Variants in PDCD1LG2 observed in about 807,000 individuals in gnomAD.
PDCD1LG2 encodes the protein B7 dendritic cell molecule.
PDCD1LG2 carries 32 observed loss-of-function variants against 28.2 expected under a neutral mutation model. The ratio of observed to expected loss-of-function variants is 1.13; its 90% confidence interval spans 0.86 to 1.52. The LOEUF is 1.52. PDCD1LG2 is among the 40% of genes most tolerant of loss of function. The probability of loss-of-function intolerance (pLI) is 0.00; values close to 1 mark genes in which losing one functional copy is unlikely to be tolerated. For synonymous variants in PDCD1LG2, 116 were observed against 120.2 expected (o/e 0.97, Z 0.23); for missense variants, 385 against 323.8 (o/e 1.19, Z -1.45).
chr9:5,524,371 T>A (rs1820331451), intron 2 of PDCD1LG2, among the ~76,000 whole-genome samples: 1 of 152,266 alleles, frequency 6.6e-6, no homozygotes, highest in Non-Finnish European at 1.5e-5. Flanking sequence ...ATGTTTATTC[T>A]GGATATTCAC....
At chr9:5,531,294 G>C (rs953988036) in intron 2 of PDCD1LG2, among the ~76,000 whole-genome samples, 6 of 152,142 alleles carry the variant, frequency 3.9e-5, no homozygotes, top group African/African-American at 1.4e-4. Context: ...AAGCAAGAAT[G>C]TTTCAGGATT....
chr9:5,570,095 C>A lies in PDCD1LG2; in HGVS notation c.*136C>A. On this transcript the variant is annotated 3_prime_UTR_variant, in exon 7 of 7. Transcript: ENST00000397747. ...CCTTTGGATGACCCAGCACTTTAATCTGAAACCTGCAACAAGACTAGCCAA... is the reference window on the plus strand; with the variant it reads ...CCTTTGGATGACCCAGCACTTTAATATGAAACCTGCAACAAGACTAGCCAA... 4 of 1,092,030 alleles carry A rather than the reference C, an allele frequency of 3.7e-6. No individual in the cohort carries two copies. The highest frequency in any genetic ancestry group is 3.8e-5 in the Admixed American group (2 of 52,260). The allele number at this position is 1,092,030 out of a possible 1,614,324, so 67.6% of individuals were successfully genotyped here. A position where few individuals can be genotyped will look rare whatever the true frequency, so the allele number is the denominator to read the frequency against.
At chr9:5,563,936 A>G (rs1414144269) in intron 6 of PDCD1LG2, among the ~76,000 whole-genome samples, 1 of 152,224 alleles carries the variant, frequency 6.6e-6, no homozygotes, top group Non-Finnish European at 1.5e-5. Context: ...ACTTCAAGTT[A>G]ACTGATAGCA....
intron 4 of PDCD1LG2, 57 bp from the exon 5 acceptor site, chr9:5,557,561 G>C (rs142364293): frequency 6.3e-7 from 1 of 1,597,506 alleles, no homozygotes; most frequent in Non-Finnish European, 8.6e-7. Context: ...TGGCCAGCCT[G>C]TTGGTCTACC....
At chr9:5,522,695 G>GCCA in intron 2 of PDCD1LG2, 94 bp downstream of exon 2, 1 of 1,124,984 alleles carries the variant, frequency 8.9e-7, no homozygotes, top group Non-Finnish European at 1.3e-6. Flanking sequence ...CAGGCTGAGG[G>GCCA]CTTTCTTTGA....
intron 1 of PDCD1LG2, among the ~76,000 whole-genome samples, chr9:5,515,408 C>T (rs979264694): frequency 5.3e-5 from 8 of 152,188 alleles, no homozygotes; most frequent in South Asian, 4.1e-4. Context: ...GTCCACCATT[C>T]GGCAGGTCCT....
At chr9:5,525,928 T>C (rs1244478096) in intron 2 of PDCD1LG2, among the ~76,000 whole-genome samples, 1 of 151,590 alleles carries the variant, frequency 6.6e-6, no homozygotes, top group Non-Finnish European at 1.5e-5. Context: ...AAGCCTGTAA[T>C]CCCAGCTACT....
At chr9:5,535,127 A>G in intron 3 of PDCD1LG2, 77 bp downstream of exon 3, 1 of 1,331,306 alleles carries the variant, frequency 7.5e-7, no homozygotes, top group Non-Finnish European at 1.0e-6. Context: ...AACCCATTAA[A>G]GGTAGCTCAA....
intron 5 of PDCD1LG2, among the ~76,000 whole-genome samples, chr9:5,559,908 T>G (rs945675827): frequency 5.9e-5 from 9 of 152,168 alleles, no homozygotes; most frequent in African/African-American, 2.2e-4. Context: ...GATTTTCTAG[T>G]CCTCAGAGGC....
At chr9:5,556,238 G>A (rs1816439442) in intron 4 of PDCD1LG2, among the ~76,000 whole-genome samples, 2 of 152,162 alleles carry the variant, frequency 1.3e-5, no homozygotes, top group Non-Finnish European at 2.9e-5. Flanking sequence ...ACTGAGGTAG[G>A]GACCTCTCCT....
intron 3 of PDCD1LG2, among the ~76,000 whole-genome samples, chr9:5,546,393 A>G (rs1816206453): frequency 6.6e-6 from 1 of 152,224 alleles, no homozygotes; most frequent in Non-Finnish European, 1.5e-5. Flanking sequence ...AAATGATTAC[A>G]AAAGACATTG....
chr9:5,568,890 G>A (rs1435178623), intron 6 of PDCD1LG2, among the ~76,000 whole-genome samples: 1 of 152,150 alleles, frequency 6.6e-6, no homozygotes, highest in African/African-American at 2.4e-5. Context: ...TCAGAGATGG[G>A]GACAAATATC....
intron 3 of PDCD1LG2, among the ~76,000 whole-genome samples, chr9:5,539,964 C>G (rs1820657623): frequency 6.6e-6 from 1 of 152,194 alleles, no homozygotes. Context: ...GCATATGGAA[C>G]ATTCTCCAAG....
At chr9:5,510,933 A>C (rs561895842) in intron 1 of PDCD1LG2, 130 bp downstream of exon 1, 1 of 152,724 alleles carries the variant, frequency 6.5e-6, no homozygotes, top group East Asian at 1.9e-4. Context: ...CTGCCTCAGA[A>C]ATTGTGCTGA....
intron 3 of PDCD1LG2, among the ~76,000 whole-genome samples, chr9:5,548,194 A>G (rs888339291): frequency 8.6e-5 from 13 of 151,962 alleles, no homozygotes; most frequent in African/African-American, 2.9e-4. Context: ...CCACCTTTCT[A>G]CTCTGTTTCT....
intron 3 of PDCD1LG2, among the ~76,000 whole-genome samples, chr9:5,547,751 ACAT>A (rs1481222105): frequency 6.6e-6 from 1 of 152,072 alleles, no homozygotes; most frequent in Non-Finnish European, 1.5e-5. Context: ...AGGCTGACCA[ACAT>A]GGTGAAACCC....
At chr9:5,525,328 G>T (rs1193805238) in intron 2 of PDCD1LG2, among the ~76,000 whole-genome samples, 1 of 144,576 alleles carries the variant, frequency 6.9e-6, no homozygotes, top group Non-Finnish European at 1.5e-5. Flanking sequence ...CTGGGTGACA[G>T]AGTGAGATTC....
At chr9:5,529,288 T>C (rs1820437685) in intron 2 of PDCD1LG2, among the ~76,000 whole-genome samples, 1 of 152,230 alleles carries the variant, frequency 6.6e-6, no homozygotes, top group Non-Finnish European at 1.5e-5. Context: ...AGTTGTATAT[T>C]CTATATGTAA....
chr9:5,529,672 C>T (rs959374347), intron 2 of PDCD1LG2, among the ~76,000 whole-genome samples: 2 of 152,044 alleles, frequency 1.3e-5, no homozygotes, highest in African/African-American at 2.4e-5. Flanking sequence ...CTTCTCTCTT[C>T]GTACTCCAGA....
Sources: gnomAD v4.1 joint callset for allele counts (sites outside exome capture counted in the v4.1 genomes callset) on GRCh38, gnomAD v4.1.1 for gene constraint, MANE v1.5 for transcripts, NCBI Gene and HGNC (gene_info 2026-07-23, HGNC 2026-07-21) for gene names.